Variants in GRIK3 observed in about 807,000 individuals in gnomAD.
The protein encoded by GRIK3 is glutamate receptor ionotropic, kainate 3.
GRIK3 carries 29 observed loss-of-function variants against 102.5 expected under a neutral mutation model. The observed-to-expected ratio is 0.28, with a 90% CI of 0.21 to 0.39. GRIK3 has a LOEUF of 0.39. GRIK3 is among the 10% of genes least tolerant of loss of function. The pLI, the probability that GRIK3 is intolerant of heterozygous loss-of-function variation, is 1.00. For synonymous variants in GRIK3, 511 were observed against 504.9 expected, an observed-to-expected ratio of 1.01 and a Z score of -0.16; for missense variants, 908 against 1,252.4, an observed-to-expected ratio of 0.73 and a Z score of 4.15.
intron 1 of GRIK3, among the ~76,000 whole-genome samples, chr1:36,925,991 C>A (rs1641522913): frequency 6.6e-6 from 1 of 152,222 alleles, no homozygotes; most frequent in South Asian, 2.1e-4. Flanking sequence ...TGCTCTAGAT[C>A]AACGCCTCAC....
intron 5 of GRIK3, among the ~76,000 whole-genome samples, chr1:36,862,756 TG>T (rs758153833): frequency 3.9e-5 from 6 of 152,238 alleles, no homozygotes; most frequent in Admixed American, 6.5e-5. Flanking sequence ...ATCTGCAAAA[TG>T]GGGTTGAAAG....
intron 1 of GRIK3, among the ~76,000 whole-genome samples, chr1:36,947,874 T>C (rs1009667453): frequency 4.6e-5 from 7 of 152,030 alleles, no homozygotes; most frequent in African/African-American, 1.7e-4. Flanking sequence ...CACAGTATGA[T>C]ACTTTGCTGC....
intron 1 of GRIK3, among the ~76,000 whole-genome samples, chr1:36,989,531 G>T (rs1401215277): frequency 6.6e-6 from 1 of 152,228 alleles, no homozygotes; most frequent in African/African-American, 2.4e-5. Context: ...CCTCCCGGGG[G>T]CCTGGCTGGT....
At chr1:36,824,037 CA>C (rs1642726533) in intron 11 of GRIK3, among the ~76,000 whole-genome samples, 1 of 152,214 alleles carries the variant, frequency 6.6e-6, no homozygotes, top group African/African-American at 2.4e-5. Context: ...GCTCGGCGGC[CA>C]AAACTCTTGT....
intron 1 of GRIK3, among the ~76,000 whole-genome samples, chr1:36,926,792 C>T (rs1468062185): frequency 2.0e-5 from 3 of 152,170 alleles, no homozygotes; most frequent in Admixed American, 1.3e-4. Flanking sequence ...AGGCAACCCA[C>T]GTTCTTATAA....
intron 10 of GRIK3, among the ~76,000 whole-genome samples, chr1:36,826,268 C>T (rs1642753959): frequency 6.6e-6 from 1 of 152,206 alleles, no homozygotes; most frequent in East Asian, 1.9e-4. Context: ...ATTCTGCTTT[C>T]CTCTCCCATC....
chr1:36,914,128 C>T (rs72917545), intron 1 of GRIK3, among the ~76,000 whole-genome samples: 2,645 of 152,322 alleles, frequency 0.017, 62 homozygotes, highest in African/African-American at 0.06. Flanking sequence ...CATCTAGCAA[C>T]AGTAGAATGG....
chr1:36,979,855 T>C (rs1420961965), intron 1 of GRIK3, among the ~76,000 whole-genome samples: 1 of 152,196 alleles, frequency 6.6e-6, no homozygotes, highest in Non-Finnish European at 1.5e-5. Flanking sequence ...GAAACCATAC[T>C]GCTCCTGAGA....
chr1:36,920,804 T>C (rs1641458231), intron 1 of GRIK3, among the ~76,000 whole-genome samples: 1 of 152,222 alleles, frequency 6.6e-6, no homozygotes, highest in Non-Finnish European at 1.5e-5. Context: ...GCTTTCCTGA[T>C]AATGGTTGGG....
At chr1:36,940,869 G>C (rs1361998621) in intron 1 of GRIK3, among the ~76,000 whole-genome samples, 4 of 152,246 alleles carry the variant, frequency 2.6e-5, no homozygotes, top group African/African-American at 9.6e-5. Flanking sequence ...TGCTGACTTG[G>C]AGAGGACACA....
At chr1:36,835,940 G>C (rs1299876181) in intron 10 of GRIK3, among the ~76,000 whole-genome samples, 1 of 152,110 alleles carries the variant, frequency 6.6e-6, no homozygotes, top group Non-Finnish European at 1.5e-5. Flanking sequence ...GGTCTCCCCA[G>C]ACAGACCCTG....
At chr1:36,802,949 C>G (rs1339339674) in intron 15 of GRIK3, among the ~76,000 whole-genome samples, 3 of 152,084 alleles carry the variant, frequency 2.0e-5, no homozygotes, top group Non-Finnish European at 4.4e-5. Flanking sequence ...TTAATGCGAC[C>G]CTACTATGTG....
intron 1 of GRIK3, among the ~76,000 whole-genome samples, chr1:36,959,136 G>A (rs989099113): frequency 7.6e-6 from 1 of 131,198 alleles, no homozygotes; most frequent in Non-Finnish European, 1.7e-5. Flanking sequence ...ATGAACCTGT[G>A]TGTCCTGTGA....
At chr1:36,820,365 T>C (rs1452528605) in intron 11 of GRIK3, among the ~76,000 whole-genome samples, 1 of 152,140 alleles carries the variant, frequency 6.6e-6, no homozygotes, top group East Asian at 1.9e-4. Context: ...GCAATAAAAA[T>C]ATTAAAAGCA....
chr1:36,816,148 G>C (rs180918194), intron 13 of GRIK3, among the ~76,000 whole-genome samples: 11 of 152,252 alleles, frequency 7.2e-5, no homozygotes, highest in African/African-American at 2.6e-4. Flanking sequence ...GGTAGGCCTG[G>C]GTCGCACCTG....
intron 1 of GRIK3, among the ~76,000 whole-genome samples, chr1:36,971,243 C>T (rs560171446): frequency 6.6e-6 from 1 of 152,330 alleles, no homozygotes; most frequent in South Asian, 2.1e-4. Flanking sequence ...ATCCTTCTGA[C>T]TCCAGGATAG....
At chr1:36,890,582 C>T (rs1020022184) in intron 2 of GRIK3, among the ~76,000 whole-genome samples, 1 of 152,114 alleles carries the variant, frequency 6.6e-6, no homozygotes, top group African/African-American at 2.4e-5. Context: ...GACCTGGTGG[C>T]TCAGTATGTG....
chr1:36,910,349 A>C (rs1196687414), intron 1 of GRIK3, among the ~76,000 whole-genome samples: 2 of 152,214 alleles, frequency 1.3e-5, no homozygotes, highest in African/African-American at 4.8e-5. Context: ...TGGATCAGCG[A>C]GATTGTTGCT....
chr1:36,961,761 T>C (rs929198723), intron 1 of GRIK3, among the ~76,000 whole-genome samples: 1 of 152,244 alleles, frequency 6.6e-6, no homozygotes, highest in Non-Finnish European at 1.5e-5. Context: ...CCTGCTTTCA[T>C]TCAAGTCACA....
Sources: gnomAD v4.1 joint callset for allele counts (sites outside exome capture counted in the v4.1 genomes callset) on GRCh38, gnomAD v4.1.1 for gene constraint, MANE v1.5 for transcripts, NCBI Gene and HGNC (gene_info 2026-07-23, HGNC 2026-07-21) for gene names.